RBMS1: variants seen among roughly 807,000 people sequenced by gnomAD.
RBMS1 encodes RNA-binding motif, single-stranded-interacting protein 1.
A neutral mutation model predicts 62.3 loss-of-function variants in RBMS1; 17 were observed. The observed-to-expected ratio is 0.27, with a 90% CI of 0.19 to 0.41. The LOEUF (loss-of-function observed/expected upper bound fraction) is 0.41. Among genes scored for constraint, RBMS1 ranks in the 10% least tolerant of loss-of-function variants. The probability of loss-of-function intolerance (pLI) is 1.00; values close to 1 mark genes in which losing one functional copy is unlikely to be tolerated. For synonymous variants in RBMS1, 172 were observed against 170.0 expected (o/e 1.01, Z -0.09); for missense variants, 334 against 504.5 (o/e 0.66, Z 3.24).
intron 1 of RBMS1, among the ~76,000 whole-genome samples, chr2:160,413,566 A>G (rs944650576): frequency 4.6e-5 from 7 of 152,202 alleles, no homozygotes; most frequent in African/African-American, 1.7e-4. Context: ...ATAAAATAAA[A>G]CTATAGCTAT....
At chr2:160,279,897 T>A (rs1176500510) in intron 10 of RBMS1, 1 of 152,212 alleles carries the variant, frequency 6.6e-6, no homozygotes, top group East Asian at 1.9e-4. Context: ...CTCAAAGATG[T>A]TAAGCTCAGA....
At chr2:160,478,743 T>C (rs1010546832) in intron 1 of RBMS1, among the ~76,000 whole-genome samples, 1 of 152,060 alleles carries the variant, frequency 6.6e-6, no homozygotes, top group Non-Finnish European at 1.5e-5. Context: ...ACTTAATGAG[T>C]ATATGATCCA....
Position 160,493,406 on chromosome 2 carries a change from G to A in RBMS1, c.-43C>T, listed in dbSNP as rs1403231620. 6.3e-7 allele frequency: 1 copy of A among 1,597,652 alleles called. No individual in the cohort carries two copies. Among genetic ancestry groups the A allele is most frequent in the Non-Finnish European group, 8.6e-7 (1 of 1,165,786 alleles). On this transcript the variant is annotated 5_prime_UTR_variant, in exon 1 of 14. Transcript: ENST00000348849. ...TGCCGTGCAGGGTCGCGGACACTTT[G>A]GGGTTTCCAAGTCTCGGGCTCTCCT...
intron 8 of RBMS1, 56 bp downstream of exon 8, chr2:160,284,939 A>G: frequency 6.3e-7 from 1 of 1,576,428 alleles, no homozygotes; most frequent in South Asian, 1.1e-5. Context: ...AATGTCTGAT[A>G]TTTTCCACCT....
intron 1 of RBMS1, among the ~76,000 whole-genome samples, chr2:160,393,643 G>A (rs976283023): frequency 1.3e-5 from 2 of 152,042 alleles, no homozygotes; most frequent in African/African-American, 4.8e-5. Flanking sequence ...CGGGTGTGGT[G>A]GCACATGTCT....
intron 1 of RBMS1, among the ~76,000 whole-genome samples, chr2:160,393,568 G>A (rs1694972593): frequency 1.3e-5 from 2 of 152,048 alleles, no homozygotes; most frequent in African/African-American, 2.4e-5. Context: ...CACCGAGGTC[G>A]GGAGTTTGAG....
chr2:160,416,944 T>G (rs1696233793), intron 1 of RBMS1, among the ~76,000 whole-genome samples: 2 of 152,192 alleles, frequency 1.3e-5, no homozygotes, highest in African/African-American at 4.8e-5. Flanking sequence ...GATTGTATAG[T>G]GCTTTTTCTC....
intron 1 of RBMS1, among the ~76,000 whole-genome samples, chr2:160,391,322 A>G (rs1479106094): frequency 1.3e-5 from 2 of 151,738 alleles, no homozygotes; most frequent in Non-Finnish European, 2.9e-5. Flanking sequence ...GTCAACTACT[A>G]GAAGCTAAGA....
intron 1 of RBMS1, among the ~76,000 whole-genome samples, chr2:160,402,465 T>A (rs1695486051): frequency 6.6e-6 from 1 of 152,180 alleles, no homozygotes; most frequent in South Asian, 2.1e-4. Context: ...TTTAGCAAAT[T>A]CAAAAATGCA....
At chr2:160,307,402 CA>C (rs967878563) in intron 4 of RBMS1, among the ~76,000 whole-genome samples, 5 of 146,002 alleles carry the variant, frequency 3.4e-5, no homozygotes, top group African/African-American at 1.3e-4. Flanking sequence ...TCCCAACAGC[CA>C]AAAAACATAT....
intron 1 of RBMS1, among the ~76,000 whole-genome samples, chr2:160,426,285 G>A (rs1391305554): frequency 1.0e-5 from 1 of 100,138 alleles, no homozygotes; most frequent in Non-Finnish European, 2.0e-5. Flanking sequence ...AAGAAAGAAA[G>A]AAAGAAAAGA....
At chr2:160,318,042 A>C (rs1396598629) in intron 3 of RBMS1, 127 bp downstream of exon 3, 24 of 1,385,446 alleles carry the variant, frequency 1.7e-5, no homozygotes, top group Non-Finnish European at 2.2e-5. Flanking sequence ...GCAAGACAGA[A>C]ACTGGGTGAT....
intron 1 of RBMS1, among the ~76,000 whole-genome samples, chr2:160,378,175 T>C (rs945641392): frequency 1.1e-4 from 16 of 151,886 alleles, no homozygotes; most frequent in African/African-American, 2.9e-4. Flanking sequence ...ACCTATGAAA[T>C]TGATAATTTA....
chr2:160,320,577 G>A (rs985890610), intron 2 of RBMS1, among the ~76,000 whole-genome samples: 9 of 152,150 alleles, frequency 5.9e-5, no homozygotes, highest in African/African-American at 2.2e-4. Context: ...CCTTGTGGTA[G>A]TGAGTTCTTG....
At chr2:160,359,511 C>G (rs1167516359) in intron 2 of RBMS1, among the ~76,000 whole-genome samples, 1 of 152,108 alleles carries the variant, frequency 6.6e-6, no homozygotes, top group African/African-American at 2.4e-5. Context: ...AATGATTTTC[C>G]TACCTCATCA....
At chr2:160,286,738 T>A (rs540924389) in intron 7 of RBMS1, among the ~76,000 whole-genome samples, 2 of 152,318 alleles carry the variant, frequency 1.3e-5, no homozygotes, top group South Asian at 2.1e-4. Context: ...CACAGCTGCT[T>A]CCACCACCTA....
At chr2:160,321,687 T>C (rs909274974) in intron 2 of RBMS1, among the ~76,000 whole-genome samples, 1 of 152,196 alleles carries the variant, frequency 6.6e-6, no homozygotes, top group African/African-American at 2.4e-5. Flanking sequence ...TCTCTTTTCA[T>C]TCACTAGCAC....
At chr2:160,392,053 C>A (rs1694892418) in intron 1 of RBMS1, among the ~76,000 whole-genome samples, 1 of 152,080 alleles carries the variant, frequency 6.6e-6, no homozygotes, top group African/African-American at 2.4e-5. Context: ...TAAAACCAAG[C>A]AAAAGAACTA....
chr2:160,362,294 G>A (rs1049884102), intron 2 of RBMS1, among the ~76,000 whole-genome samples: 2 of 152,124 alleles, frequency 1.3e-5, no homozygotes, highest in African/African-American at 4.8e-5. Flanking sequence ...TTTCCTTTGC[G>A]GGCTGTTTGG....
Sources: allele counts gnomAD v4.1 joint callset (sites outside exome capture counted in the v4.1 genomes callset), GRCh38; gene constraint gnomAD v4.1.1; transcripts MANE v1.5; gene names NCBI Gene and HGNC (gene_info 2026-07-23, HGNC 2026-07-21).